The following CASD1 variants were observed in gnomAD, a reference collection of about 807,000 sequenced individuals.
CASD1 encodes the protein N-acetylneuraminate (7)9-O-acetyltransferase.
A neutral mutation model predicts 100.0 loss-of-function variants in CASD1; 41 were observed. The ratio of observed to expected loss-of-function variants is 0.41; its 90% CI spans 0.32 to 0.53. CASD1 has a LOEUF of 0.53. Ranked by LOEUF, CASD1 falls within the 20% of genes least tolerant of loss-of-function variation. CASD1 has a pLI of 0.25. For missense variants in CASD1, 774 were observed against 948.7 expected (o/e 0.82, Z 2.42); for synonymous variants, 321 against 315.6 (o/e 1.02, Z -0.18).
chr7:94,539,168 T>G lies in CASD1; in HGVS notation c.1356+112T>G. 1.1e-5 allele frequency: 5 copies of G among 454,072 alleles called. 1 individual carries two copies. Among genetic ancestry groups the G allele is most frequent in the Non-Finnish European group, 1.9e-5 (5 of 258,490 alleles). The allele number at this position is 454,072 out of a possible 1,614,324, so 28.1% of individuals were successfully genotyped here. Reference sequence around the variant, plus strand: ...ATAATCTCTACCAGTTATAGACCCTTCTTATTTCCCACTTAATCTTTCCGC... The same window carrying G: ...ATAATCTCTACCAGTTATAGACCCTGCTTATTTCCCACTTAATCTTTCCGC... On this transcript the variant is annotated intron_variant, in intron 10 of 17. Coordinates refer to ENST00000297273, the MANE Select transcript of CASD1 (RefSeq NM_022900.5).
chr7:94,585,564 T>C, the CASD1 span: 1 of 1,312,626 alleles, frequency 7.6e-7, no homozygotes, highest in Non-Finnish European at 1.1e-6. Flanking sequence ...AGGGCATGGA[T>C]ACTTTTAGAT....
At chr7:94,565,752 T>TCTAA in the CASD1 span, among the ~76,000 whole-genome samples, 2 of 152,198 alleles carry the variant, frequency 1.3e-5, no homozygotes, top group African/African-American at 4.8e-5. Flanking sequence ...CCTAACCTCA[T>TCTAA]CTAACCATAT....
intron 8 of CASD1, among the ~76,000 whole-genome samples, chr7:94,536,302 A>C (rs1303487197): frequency 6.6e-6 from 1 of 152,206 alleles, no homozygotes; most frequent in African/African-American, 2.4e-5. Context: ...CAAGATACAG[A>C]GTACATACTG....
chr7:94,539,634 A>G (rs1795289213), intron 10 of CASD1, among the ~76,000 whole-genome samples: 1 of 146,862 alleles, frequency 6.8e-6, no homozygotes, highest in African/African-American at 2.5e-5. Context: ...TCACCACTGT[A>G]CTCCAGCCTG....
At chr7:94,552,468 T>C in intron 16 of CASD1, 41 bp downstream of exon 16, 1 of 1,478,656 alleles carries the variant, frequency 6.8e-7, no homozygotes, top group Non-Finnish European at 9.2e-7. Flanking sequence ...TCTTAATTCT[T>C]GATAAGAAAA....
At chr7:94,633,882 G>A in the CASD1 span, among the ~76,000 whole-genome samples, 2 of 152,186 alleles carry the variant, frequency 1.3e-5, no homozygotes, top group African/African-American at 2.4e-5. Flanking sequence ...ATAAGCACAG[G>A]CACACACACA....
intron 3 of CASD1, among the ~76,000 whole-genome samples, chr7:94,521,145 A>G (rs1794247622): frequency 2.0e-5 from 3 of 152,168 alleles, no homozygotes; most frequent in African/African-American, 2.4e-5. Flanking sequence ...GTTTCAACCT[A>G]GAATTGTATA....
the CASD1 span, among the ~76,000 whole-genome samples, chr7:94,612,266 TA>T: frequency 6.6e-6 from 1 of 152,176 alleles, no homozygotes; most frequent in Non-Finnish European, 1.5e-5. Context: ...TTTTTTTTCT[TA>T]AATTATAAAA....
In CASD1 at chr7:94,555,508, A is replaced by G. The variant is rs1796157986; in HGVS notation, c.2144A>G (p.Tyr715Cys). The G allele has an allele frequency of 4.3e-6, 7 of 1,612,748 alleles. No homozygotes were observed. Among genetic ancestry groups the G allele is most frequent in the East Asian group, 4.5e-5 (2 of 44,774 alleles). ...TTCTCCTAGCTATTTATTTGCCAGT[A>G]TCACATATGGCTGGCAGCGGACACA... is the stretch of plus-strand genomic sequence containing the variant. ...KISLELFICQ[Y>C]HIWLAADTRG... is the part of the protein sequence containing the mutation. The change falls in exon 18 of 18, where the codon TAT (tyrosine) becomes TGT (cysteine). Residue 715 changes from tyrosine (Y) to cysteine (C), a missense_variant. Around this residue, in one of 5 missense-constraint regions of CASD1, gnomAD observed 175 missense variants for 206.9 expected, o/e 0.85. Transcript: ENST00000297273.
downstream of CASD1, among the ~76,000 whole-genome samples, chr7:94,559,306 A>G (rs12704724): frequency 0.37 from 31,668 of 85,792 alleles, 4,191 homozygotes; most frequent in South Asian, 0.45. Context: ...GTGTGTGTGT[A>G]TGTGTGTGTG....
At chr7:94,551,757 A>G (rs535862156) in intron 15 of CASD1, 1 of 163,820 alleles carries the variant, frequency 6.1e-6, no homozygotes, top group African/African-American at 2.4e-5. Flanking sequence ...AAATGCATGC[A>G]AAATGTTTGC....
the CASD1 span, chr7:94,603,325 T>G: frequency 3.1e-6 from 5 of 1,612,600 alleles, no homozygotes; most frequent in Non-Finnish European, 4.2e-6. Context: ...TAAAATTGAG[T>G]ACGAAATTTT....
the CASD1 span, among the ~76,000 whole-genome samples, chr7:94,562,904 T>C: frequency 6.6e-6 from 1 of 152,152 alleles, no homozygotes; most frequent in Non-Finnish European, 1.5e-5. Context: ...CCCCTTTTTT[T>C]TTATGCCAGA....
chr7:94,632,653 T>C, the CASD1 span, among the ~76,000 whole-genome samples: 1 of 152,080 alleles, frequency 6.6e-6, no homozygotes, highest in Non-Finnish European at 1.5e-5. Flanking sequence ...AATACTTCCT[T>C]TCTGTAGCAT....
chr7:94,572,382 A>G, the CASD1 span, among the ~76,000 whole-genome samples: 1 of 152,278 alleles, frequency 6.6e-6, no homozygotes, highest in Admixed American at 6.5e-5. Context: ...TGAAGACAAC[A>G]TATAGTTGGA....
chr7:94,522,608 A>G (rs1794337436), intron 3 of CASD1, among the ~76,000 whole-genome samples: 1 of 152,182 alleles, frequency 6.6e-6, no homozygotes, highest in Non-Finnish European at 1.5e-5. Flanking sequence ...ACACTTTACA[A>G]TCAGGGAAAT....
rs759556578 is a variant in CASD1, at chr7:94,545,598, A to C, written c.1530A>C (p.Arg510=). The C allele has an allele frequency of 6.8e-6, 11 of 1,609,290 alleles. No homozygotes were observed. In the Admixed American group the frequency reaches 1.3e-4, roughly 20 times the overall value. The change falls in exon 12 of 18, where the codon CGA becomes CGC. Residue 510 remains arginine, a synonymous_variant. Coordinates refer to ENST00000297273, the MANE Select transcript of CASD1 (RefSeq NM_022900.5). ...LVVVLCIVMD[R]PYQFYYFVPL... ...TGGTGTTATGTATAGTAATGGATCG[A>C]CCTTATCAATTCTATTACTTTGTCC... is the stretch of plus-strand genomic sequence containing the variant.
chr7:94,549,706 T>C, intron 14 of CASD1, 72 bp downstream of exon 14: 2 of 1,109,590 alleles, frequency 1.8e-6, no homozygotes, highest in Non-Finnish European at 2.6e-6. Flanking sequence ...ATTTTTGATC[T>C]ATCTATACTT....
Position 94,551,435 on chromosome 7 carries a change from A to C in CASD1, c.1913A>C (p.Lys638Thr). ...AAGGGTGAACCTCTTTTTTCAAACAAAATTTCAAATTTTCTGTTGTTTATT... is the reference window on the plus strand; with the variant it reads ...AAGGGTGAACCTCTTTTTTCAAACACAATTTCAAATTTTCTGTTGTTTATT... ...EGKGEPLFSN[K>T]ISNFLLFISV... Residue 638 changes from lysine (K) to threonine (T), a missense_variant, in exon 15 of 18, where the codon AAA (lysine) becomes ACA (threonine). Lys to Thr is a moderately conservative substitution (Grantham distance 78). Transcript: ENST00000297273. 1 of 1,532,006 alleles carries C rather than the reference A, an allele frequency of 6.5e-7. No homozygotes were observed. Among genetic ancestry groups the C allele is most frequent in the African/African-American group, 1.4e-5 (1 of 70,206 alleles). The allele number at this position is 1,532,006 out of a possible 1,614,324, so 94.9% of individuals were successfully genotyped here.
Sources: allele counts gnomAD v4.1 joint callset (sites outside exome capture counted in the v4.1 genomes callset), GRCh38; gene constraint gnomAD v4.1.1; regional missense constraint gnomAD v4.1.1; transcripts MANE v1.5; gene names NCBI Gene and HGNC (gene_info 2026-07-23, HGNC 2026-07-21).